The following COLGALT2 variants were observed in gnomAD, a reference collection of about 807,000 sequenced individuals.
COLGALT2 encodes procollagen galactosyltransferase 2.
COLGALT2 carries 49 observed loss-of-function variants against 73.4 expected under a neutral mutation model. That is an observed-to-expected ratio of 0.67 (90% CI 0.53 to 0.85). COLGALT2 has a LOEUF of 0.85. Among genes scored for constraint, COLGALT2 ranks in the 40% least tolerant of loss-of-function variants. The pLI is 0.00. For missense variants in COLGALT2, 722 were observed against 790.2 expected (o/e 0.91, Z 1.03); for synonymous variants, 295 against 307.6 (o/e 0.96, Z 0.43).
At chr1:184,021,752 G>T (rs1300277381) in intron 1 of COLGALT2, among the ~76,000 whole-genome samples, 1 of 152,186 alleles carries the variant, frequency 6.6e-6, no homozygotes, top group Non-Finnish European at 1.5e-5. Flanking sequence ...TTAATAACAA[G>T]TTACTGGTTT....
intron 1 of COLGALT2, among the ~76,000 whole-genome samples, chr1:184,018,747 C>T (rs1004364521): frequency 1.3e-5 from 2 of 152,110 alleles, no homozygotes; most frequent in Admixed American, 6.6e-5. Context: ...GAAGCCTCTA[C>T]ATAAATGAAT....
In COLGALT2 at chr1:183,940,709, G is replaced by C. The variant is rs1670084665; in HGVS notation, c.1476C>G (p.Asp492Glu). ...VPNVANLVEA[D>E]YSYWTLGYVI... Reference sequence around the variant, plus strand: ...CGTAGCCCAGGGTCCAGTAGGAATAGTCGGCTTCGACCAGGTTTGCCACAT... The same window carrying C: ...CGTAGCCCAGGGTCCAGTAGGAATACTCGGCTTCGACCAGGTTTGCCACAT... The change falls in exon 11 of 12, where the codon GAC becomes GAG. Residue 492 changes from aspartate (D) to glutamate (E), a missense_variant. Asp to Glu is a conservative substitution (Grantham distance 45, BLOSUM62 2). Coordinates refer to ENST00000361927, the MANE Select transcript of COLGALT2 (RefSeq NM_015101.4). 1 of 1,614,122 alleles carries C rather than the reference G, an allele frequency of 6.2e-7. No individual in the cohort carries two copies. Among genetic ancestry groups the C allele is most frequent in the Non-Finnish European group, 8.5e-7 (1 of 1,180,052 alleles).
intron 2 of COLGALT2, 26 bp from the exon 3 acceptor site, chr1:183,975,240 T>A: frequency 7.0e-7 from 1 of 1,431,236 alleles, no homozygotes; most frequent in Non-Finnish European, 9.8e-7. Context: ...TAGCTCATCA[T>A]TATTGAGTGC....
At chr1:183,986,811 G>T (rs1312073515) in intron 1 of COLGALT2, among the ~76,000 whole-genome samples, 1 of 152,046 alleles carries the variant, frequency 6.6e-6, no homozygotes, top group Non-Finnish European at 1.5e-5. Flanking sequence ...AGGATGAGAG[G>T]TTATGATTTG....
intron 1 of COLGALT2, among the ~76,000 whole-genome samples, chr1:184,027,829 G>A (rs910429748): frequency 8.5e-5 from 13 of 152,220 alleles, no homozygotes; most frequent in African/African-American, 3.1e-4. Flanking sequence ...AGGCAGAGAA[G>A]AGGCTTGTAC....
chr1:184,035,039 G>A (rs1026276592), intron 1 of COLGALT2, among the ~76,000 whole-genome samples: 6 of 152,186 alleles, frequency 3.9e-5, no homozygotes, highest in Non-Finnish European at 5.9e-5. Flanking sequence ...AATGACTGAC[G>A]CAAGCATGGC....
At chr1:183,961,567 C>G (rs10494571) in intron 6 of COLGALT2, among the ~76,000 whole-genome samples, 8,532 of 152,214 alleles carry the variant, frequency 0.056, 387 homozygotes, top group African/African-American at 0.12. Context: ...CTTTTATTTG[C>G]TCTTCTCAAC....
intron 1 of COLGALT2, among the ~76,000 whole-genome samples, chr1:184,027,782 C>G (rs954830654): frequency 1.3e-5 from 2 of 152,134 alleles, no homozygotes; most frequent in African/African-American, 4.8e-5. Context: ...ACCAACGTAC[C>G]CAATAAATTT....
Position 183,938,926 on chromosome 1 carries a change from C to G in COLGALT2, c.1716G>C (p.Thr572=). ...CATTGTCCCAGATGGTGGAGGTCTC[C>G]GTGTCACTCAGGTACCCCGGCTGGC... ...YTGQPGYLSD[T]ETSTIWDNET... Residue 572 remains threonine, a synonymous_variant, in exon 12 of 12, where the codon ACG becomes ACC. Coordinates refer to ENST00000361927, the MANE Select transcript of COLGALT2 (RefSeq NM_015101.4). The G allele has an allele frequency of 6.2e-7, 1 of 1,614,058 alleles. No individual in the cohort carries two copies. The highest frequency in any genetic ancestry group is 8.5e-7 in the Non-Finnish European group (1 of 1,180,020).
rs1482522455 is a variant in COLGALT2 at position 183,963,975 on chromosome 1, G to A, written c.878C>T (p.Pro293Leu). The change falls in exon 6 of 12, where the codon CCC (proline) becomes CTC (leucine). Residue 293 changes from proline to leucine, a missense_variant. Coordinates refer to ENST00000361927, the MANE Select transcript of COLGALT2 (RefSeq NM_015101.4). ...TGTCTGATGGGGCTTCAGGGGGATG[G>A]GCAGGTAGCCATAGTGCTCTCTGTT... ...LCNREHYGYL[P>L]IPLKPHQTLQ... The A allele has an allele frequency of 1.9e-6, 3 of 1,613,430 alleles. No homozygotes were observed. In the African/African-American group the frequency reaches 4.0e-5, roughly 22 times the overall value.
intron 5 of COLGALT2, among the ~76,000 whole-genome samples, chr1:183,965,857 A>G (rs1670853960): frequency 6.6e-6 from 1 of 152,232 alleles, no homozygotes. Context: ...GCATGATTAC[A>G]ACAAGAACAC....
intron 1 of COLGALT2, 152 bp from the exon 2 acceptor site, chr1:183,978,672 C>T (rs893623900): frequency 3.7e-6 from 2 of 544,684 alleles, no homozygotes; most frequent in Non-Finnish European, 6.4e-6. Context: ...CCAAACTAGA[C>T]AATAAATTTC....
chr1:184,017,593 G>A, intron 1 of COLGALT2, among the ~76,000 whole-genome samples: 1 of 152,086 alleles, frequency 6.6e-6, no homozygotes, highest in Non-Finnish European at 1.5e-5. Context: ...ATACGTCCAG[G>A]GCCACTCCAG....
chr1:183,982,591 G>A (rs965490018), intron 1 of COLGALT2, among the ~76,000 whole-genome samples: 12 of 152,184 alleles, frequency 7.9e-5, no homozygotes, highest in Non-Finnish European at 1.6e-4. Context: ...TTAGCCAAAA[G>A]CTATGAGATT....
intron 1 of COLGALT2, among the ~76,000 whole-genome samples, chr1:183,995,897 T>G (rs1671757896): frequency 6.6e-6 from 1 of 152,198 alleles, no homozygotes; most frequent in Non-Finnish European, 1.5e-5. Flanking sequence ...ATTATATTTT[T>G]ACTCCTTTTT....
chr1:183,944,732 G>A (rs555002544), intron 9 of COLGALT2, among the ~76,000 whole-genome samples: 25 of 152,194 alleles, frequency 1.6e-4, no homozygotes, highest in Non-Finnish European at 2.9e-4. Flanking sequence ...CTGGATCTGT[G>A]TACTGATTAA....
intron 5 of COLGALT2, among the ~76,000 whole-genome samples, chr1:183,965,523 A>G (rs944700310): frequency 6.6e-6 from 1 of 152,224 alleles, no homozygotes; most frequent in African/African-American, 2.4e-5. Flanking sequence ...GATTATAACC[A>G]ACAAGAAAGA....
At chr1:183,950,921 G>T in intron 8 of COLGALT2, 86 bp downstream of exon 8, 1 of 976,308 alleles carries the variant, frequency 1.0e-6, no homozygotes, top group Admixed American at 1.9e-5. Flanking sequence ...AAGAGACTTA[G>T]AGCCCCACCT....
At chr1:184,022,776 A>G (rs1044266521) in intron 1 of COLGALT2, among the ~76,000 whole-genome samples, 2 of 152,224 alleles carry the variant, frequency 1.3e-5, no homozygotes, top group Non-Finnish European at 2.9e-5. Context: ...AAATCGTTTC[A>G]CCCTCAGTCC....
Sources: gnomAD v4.1 joint callset for allele counts (sites outside exome capture counted in the v4.1 genomes callset) on GRCh38, gnomAD v4.1.1 for gene constraint, MANE v1.5 for transcripts, NCBI Gene and HGNC (gene_info 2026-07-23, HGNC 2026-07-21) for gene names.